The following FZD6 variants were observed in gnomAD, a reference collection of about 807,000 sequenced individuals.
FZD6 encodes frizzled-6.
Under a neutral mutation model 61.4 loss-of-function variants are expected in FZD6, and 49 were observed. That is an observed-to-expected ratio of 0.80 (90% CI 0.63 to 1.01). The LOEUF is 1.01. FZD6 is among the 50% of genes least tolerant of loss of function. The pLI is 0.00. For synonymous variants in FZD6, 265 were observed against 292.2 expected, an observed-to-expected ratio of 0.91 and a Z score of 0.95; for missense variants, 724 against 848.2, an observed-to-expected ratio of 0.85 and a Z score of 1.82.
intron 2 of FZD6, among the ~76,000 whole-genome samples, chr8:103,313,331 T>G (rs987727878): frequency 6.6e-6 from 1 of 152,210 alleles, no homozygotes; most frequent in Non-Finnish European, 1.5e-5. Context: ...AACTTCTAAT[T>G]CAGAGTACAT....
At position 103,331,604 on chromosome 8, in the gene FZD6, T is replaced by A; in HGVS notation, c.*95T>A. 1 of 856,888 alleles carries A rather than the reference T, an allele frequency of 1.2e-6. No individual in the cohort carries two copies. 53.1% of individuals were successfully genotyped at this position (856,888 alleles called of 1,614,324 possible). A position where few individuals can be genotyped will look rare whatever the true frequency, so the allele number is the denominator to read the frequency against. ...AAGAATCACTGTTACATTCTTCTTT[T>A]GCACTTAAAGTTGCATTGCCTACTG... On this transcript the variant is annotated 3_prime_UTR_variant, in exon 7 of 7. Transcript: ENST00000358755.
At chr8:103,330,693 TAA>T (rs1815095754) in intron 6 of FZD6, among the ~76,000 whole-genome samples, 1 of 152,192 alleles carries the variant, frequency 6.6e-6, no homozygotes, top group South Asian at 2.1e-4. Flanking sequence ...ATGGGAGAGC[TAA>T]AGTCTTACTC....
At chr8:103,308,156 C>G (rs1226170141) in intron 2 of FZD6, among the ~76,000 whole-genome samples, 1 of 152,160 alleles carries the variant, frequency 6.6e-6, no homozygotes, top group East Asian at 1.9e-4. Flanking sequence ...CCTGTTAAGC[C>G]TATACTGGTG....
intron 3 of FZD6, among the ~76,000 whole-genome samples, chr8:103,321,042 C>T (rs1184362774): frequency 6.6e-6 from 1 of 151,986 alleles, no homozygotes; most frequent in Non-Finnish European, 1.5e-5. Context: ...ACGGTGAGGC[C>T]TGTGGAGAAA....
At position 103,323,341 on chromosome 8, in the gene FZD6, G is replaced by GA. The variant is rs10653301; in HGVS notation, c.375-1140_375-1139insA. ...ATATTATGTTTTAATAAAGCTGGTA[G>GA]TTTTTTTTGTATTTCATTTTATGGG... On this transcript the variant is annotated intron_variant, in intron 3 of 6. Transcript: ENST00000358755. Among the ~76,000 whole-genome samples the GA allele has an allele frequency of 2.2e-3, 334 of 151,686 alleles. 1 individual carries two copies. Among genetic ancestry groups the GA allele is most frequent in the African/African-American group, 6.8e-3 (283 of 41,360 alleles).
intron 2 of FZD6, among the ~76,000 whole-genome samples, chr8:103,314,000 A>C (rs1028503354): frequency 1.3e-5 from 2 of 152,068 alleles, no homozygotes; most frequent in Non-Finnish European, 2.9e-5. Context: ...CTATCATCTT[A>C]CAGGCATTTT....
chr8:103,328,302 T>G lies in FZD6; in HGVS notation c.1427T>G (p.Phe476Cys). The change falls in exon 5 of 7, where the codon TTT (phenylalanine) becomes TGT (cysteine). Residue 476 changes from phenylalanine to cysteine, a missense_variant. Transcript: ENST00000358755. ...AAAGCTCGACCAGAATTGGCTTTATTTATGATAAAATACCTGATGACATTA... is the reference window on the plus strand; with the variant it reads ...AAAGCTCGACCAGAATTGGCTTTATGTATGATAAAATACCTGATGACATTA... Reference protein sequence around the residue: ...KAKARPELALFMIKYLMTLIV... With the variant: ...KAKARPELALCMIKYLMTLIV... The G allele has an allele frequency of 6.2e-7, 1 of 1,612,152 alleles. No individual in the cohort carries two copies. Among genetic ancestry groups the G allele is most frequent in the South Asian group, 1.1e-5 (1 of 91,048 alleles).
intron 2 of FZD6, among the ~76,000 whole-genome samples, chr8:103,311,028 G>A (rs1283747720): frequency 6.6e-6 from 1 of 152,120 alleles, no homozygotes; most frequent in Non-Finnish European, 1.5e-5. Context: ...GCAGAAAATT[G>A]ATGGATTTTG....
Position 103,328,283 on chromosome 8 carries a change from C to T in FZD6, c.1408C>T (p.Arg470Ter), listed in dbSNP as rs750436184. The change falls in exon 5 of 7, where the codon CGA becomes TGA. Residue 470 changes from arginine (R) to a stop codon, truncating the protein, a stop_gained. Transcript: ENST00000358755. LOFTEE classifies it high-confidence loss of function. ...PCPYQAKAKARPELALFMIKY... is the reference protein window; with the variant it reads ...PCPYQAKAKA ...TTTTTTGTAGGCAAAAGCAAAAGCT[C>T]GACCAGAATTGGCTTTATTTATGAT... 1.2e-5 allele frequency: 19 copies of T among 1,611,008 alleles called. No individual in the cohort carries two copies. The highest frequency in any genetic ancestry group is 1.5e-5 in the Non-Finnish European group (18 of 1,177,458).
At position 103,325,168 on chromosome 8, in the gene FZD6, T is replaced by C. The variant is rs774304075; in HGVS notation, c.1062T>C (p.Ser354=). 1 of 1,613,976 alleles carries C rather than the reference T, an allele frequency of 6.2e-7. No homozygotes were observed. The highest frequency in any genetic ancestry group is 8.5e-7 in the Non-Finnish European group (1 of 1,179,870). ...ACAAAGTTGAAGGAGACAACATTAG[T>C]GGAGTTTGCTTTGTTGGCCTTTATG... ...AMNKVEGDNI[S]GVCFVGLYDL... Residue 354 remains serine, a synonymous_variant, in exon 4 of 7, where the codon AGT becomes AGC. Transcript: ENST00000358755.
At chr8:103,301,600 C>CTT (rs1431918886) in intron 2 of FZD6, among the ~76,000 whole-genome samples, 1 of 151,996 alleles carries the variant, frequency 6.6e-6, no homozygotes, top group African/African-American at 2.4e-5. Flanking sequence ...GAGATGGGGT[C>CTT]TTACTATGTT....
chr8:103,316,966 A>T (rs1166797473), intron 2 of FZD6, among the ~76,000 whole-genome samples: 1 of 152,206 alleles, frequency 6.6e-6, no homozygotes, highest in African/African-American at 2.4e-5. Context: ...TTGAATTTAC[A>T]CTCTAGTGGT....
At chr8:103,330,952 C>T (rs2130349068) in intron 6 of FZD6, among the ~76,000 whole-genome samples, 1 of 152,226 alleles carries the variant, frequency 6.6e-6, no homozygotes, top group East Asian at 1.9e-4. Context: ...CCAAGGTGGG[C>T]AGATCACAAG....
intron 2 of FZD6, among the ~76,000 whole-genome samples, chr8:103,313,472 G>A (rs958373422): frequency 1.3e-5 from 2 of 152,118 alleles, no homozygotes; most frequent in South Asian, 2.1e-4. Flanking sequence ...GGTAGCAAAG[G>A]GGAATGGTGA....
At chr8:103,298,514 G>C (rs1406822732), upstream of FZD6, 2 of 152,214 alleles carry the variant, frequency 1.3e-5, no homozygotes. Context: ...CCTGAAATCC[G>C]CAAGGAAGTG....
intron 2 of FZD6, among the ~76,000 whole-genome samples, chr8:103,310,191 A>G (rs1814453986): frequency 6.6e-6 from 1 of 152,178 alleles, no homozygotes; most frequent in Non-Finnish European, 1.5e-5. Context: ...TTAAACTGAT[A>G]TAATTTAGCC....
chr8:103,303,207 T>C (rs1389927277), intron 2 of FZD6, among the ~76,000 whole-genome samples: 1 of 152,196 alleles, frequency 6.6e-6, no homozygotes, highest in Non-Finnish European at 1.5e-5. Context: ...TTGCACACTC[T>C]GCTTCAGCCA....
At position 103,331,611 on chromosome 8, in the gene FZD6, A is replaced by G. The variant is rs1331342054; in HGVS notation, c.*102A>G. On this transcript the variant is annotated 3_prime_UTR_variant, in exon 7 of 7. Transcript: ENST00000358755. Reference sequence around the variant, plus strand: ...ACTGTTACATTCTTCTTTTGCACTTAAAGTTGCATTGCCTACTGTTATACT... The same window carrying G: ...ACTGTTACATTCTTCTTTTGCACTTGAAGTTGCATTGCCTACTGTTATACT... The G allele has an allele frequency of 2.5e-6, 2 of 804,592 alleles. No individual in the cohort carries two copies. Among genetic ancestry groups the G allele is most frequent in the Non-Finnish European group, 4.3e-6 (2 of 467,422 alleles). The allele number at this position is 804,592 out of a possible 1,614,324, so 49.8% of individuals were successfully genotyped here. A position where few individuals can be genotyped will look rare whatever the true frequency, so the allele number is the denominator to read the frequency against.
At chr8:103,328,932 T>A (rs1815035832) in intron 5 of FZD6, among the ~76,000 whole-genome samples, 1 of 149,734 alleles carries the variant, frequency 6.7e-6, no homozygotes, top group Non-Finnish European at 1.5e-5. Context: ...CTTATTTGTC[T>A]TACTTAAGAT....
Sources: gnomAD v4.1 joint callset for allele counts (sites outside exome capture counted in the v4.1 genomes callset) on GRCh38, gnomAD v4.1.1 for gene constraint, MANE v1.5 for transcripts, NCBI Gene and HGNC (gene_info 2026-07-23, HGNC 2026-07-21) for gene names.